NCOA7: variants seen among roughly 807,000 people sequenced by gnomAD.
The protein encoded by NCOA7 is 140 kDa estrogen receptor-associated protein.
Under a neutral mutation model 104.3 loss-of-function variants are expected in NCOA7, and 45 were observed. The ratio of observed to expected loss-of-function variants is 0.43; its 90% CI spans 0.34 to 0.55. The LOEUF (loss-of-function observed/expected upper bound fraction) is 0.55. Ranked by LOEUF, NCOA7 falls within the 20% of genes least tolerant of loss-of-function variation. The pLI is 0.02. For synonymous variants in NCOA7, 398 were observed against 402.3 expected (o/e 0.99, Z 0.13); for missense variants, 1,041 against 1,119.7 (o/e 0.93, Z 1.00).
intron 1 of NCOA7, among the ~76,000 whole-genome samples, chr6:125,799,006 A>G (rs563464707): frequency 1.6e-4 from 25 of 152,198 alleles, no homozygotes; most frequent in African/African-American, 6.0e-4. Flanking sequence ...ATCAGCCCCA[A>G]GCCTGTTTCT....
intron 2 of NCOA7, among the ~76,000 whole-genome samples, chr6:125,853,333 A>G (rs1397802808): frequency 6.6e-6 from 1 of 152,108 alleles, no homozygotes. Context: ...TAGGTATTTG[A>G]TTGTATAATT....
chr6:125,841,888 C>T (rs1014166151), intron 2 of NCOA7, among the ~76,000 whole-genome samples: 4 of 152,048 alleles, frequency 2.6e-5, no homozygotes. Context: ...AATTTCATAC[C>T]TGATATTAGA....
Position 125,887,897 on chromosome 6 carries a change from C to T in NCOA7, c.885-1042C>T, listed in dbSNP as rs553078743. Among the ~76,000 whole-genome samples the T allele has an allele frequency of 9.2e-5, 14 of 152,228 alleles. No individual in the cohort carries two copies. The East Asian group carries it at 2.7e-3, about 29-fold the overall frequency. On this transcript the variant is annotated intron_variant, in intron 8 of 15. Coordinates refer to ENST00000392477, the MANE Select transcript of NCOA7 (RefSeq NM_181782.5). ...TTTCCAGTCATATTTTTTTCTTACA[C>T]ATATTTGAAAGTATTACTATTTTTA...
intron 3 of NCOA7, among the ~76,000 whole-genome samples, chr6:125,867,297 T>C (rs1327852770): frequency 6.6e-6 from 1 of 152,254 alleles, no homozygotes; most frequent in Non-Finnish European, 1.5e-5. Context: ...TTTCATTTCT[T>C]CTCAGTATTT....
intron 2 of NCOA7, 115 bp downstream of exon 2, chr6:125,815,519 G>C: frequency 1.3e-6 from 1 of 775,588 alleles, no homozygotes; most frequent in Non-Finnish European, 2.1e-6. Flanking sequence ...AAATAGAGCA[G>C]GTAACCAGGA....
At chr6:125,894,825 G>A (rs978802188) in intron 10 of NCOA7, among the ~76,000 whole-genome samples, 3 of 151,168 alleles carry the variant, frequency 2.0e-5, no homozygotes, top group Non-Finnish European at 2.9e-5. Context: ...ATTTAAAAAT[G>A]TAGATGATTG....
chr6:125,815,855 AT>A (rs1160830602), intron 2 of NCOA7, among the ~76,000 whole-genome samples: 1 of 152,218 alleles, frequency 6.6e-6, no homozygotes, highest in Non-Finnish European at 1.5e-5. Context: ...GTGAAATTAT[AT>A]TTTTGAATCA....
At chr6:125,901,649 A>G (rs190120006) in intron 10 of NCOA7, among the ~76,000 whole-genome samples, 39 of 152,268 alleles carry the variant, frequency 2.6e-4, no homozygotes, top group African/African-American at 9.4e-4. Flanking sequence ...TAGGTTACAA[A>G]CAGTGCTCTT....
intron 11 of NCOA7, among the ~76,000 whole-genome samples, chr6:125,918,930 A>G (rs920136598): frequency 3.9e-5 from 6 of 152,062 alleles, no homozygotes; most frequent in Non-Finnish European, 7.4e-5. Flanking sequence ...CTTTAGCCTT[A>G]AAGAAGGTGC....
intron 10 of NCOA7, among the ~76,000 whole-genome samples, chr6:125,899,409 G>T (rs1785303741): frequency 6.6e-6 from 1 of 152,102 alleles, no homozygotes; most frequent in Admixed American, 6.5e-5. Flanking sequence ...CCATAATCTT[G>T]AACATTTTTT....
intron 2 of NCOA7, among the ~76,000 whole-genome samples, chr6:125,822,954 CA>C (rs1221738703): frequency 5.1e-5 from 7 of 137,626 alleles, no homozygotes; most frequent in Admixed American, 1.5e-4. Flanking sequence ...AAAAAAACAA[CA>C]AAAAAAAACA....
chr6:125,864,330 TA>T lies in NCOA7; in HGVS notation c.271+9097del, dbSNP rs1348973654. Among the ~76,000 whole-genome samples the T allele has an allele frequency of 2.0e-4, 27 of 138,144 alleles. 5 individuals are homozygous for T. The highest frequency in any genetic ancestry group is 7.8e-4 in the African/African-American group (26 of 33,148). 90.6% of individuals were successfully genotyped at this position (138,144 alleles called of 152,430 possible). A position where few individuals can be genotyped will look rare whatever the true frequency, so the allele number is the denominator to read the frequency against. ...TACTGATTATGATTCCATTTTTGTT[TA>T]AAAAAATAATTCACCTACATGCATA... On this transcript the variant is annotated intron_variant, in intron 3 of 15. Coordinates refer to ENST00000392477, the MANE Select transcript of NCOA7 (RefSeq NM_181782.5).
chr6:125,886,138 G>A (rs1784237080), intron 8 of NCOA7, among the ~76,000 whole-genome samples: 2 of 150,004 alleles, frequency 1.3e-5, no homozygotes, highest in South Asian at 4.2e-4. Flanking sequence ...ACAGTAAAGA[G>A]GGAAACTAGC....
chr6:125,920,865 C>T (rs1428544531), intron 11 of NCOA7, 78 bp from the exon 12 acceptor site: 6 of 1,557,058 alleles, frequency 3.9e-6, no homozygotes, highest in Non-Finnish European at 5.2e-6. Context: ...GCACGGGTGT[C>T]CCTAGAGTGA....
chr6:125,890,307 A>T (rs1030047454), intron 9 of NCOA7, among the ~76,000 whole-genome samples: 1 of 152,188 alleles, frequency 6.6e-6, no homozygotes, highest in Non-Finnish European at 1.5e-5. Flanking sequence ...TCTAAACTGA[A>T]TTGCATTATG....
chr6:125,855,212 T>C lies in NCOA7; in HGVS notation c.243T>C (p.Arg81=). 1 of 1,611,688 alleles carries C rather than the reference T, an allele frequency of 6.2e-7. No homozygotes were observed. Among genetic ancestry groups the C allele is most frequent in the Non-Finnish European group, 8.5e-7 (1 of 1,179,270 alleles). The change falls in exon 3 of 16, where the codon CGT becomes CGC. Residue 81 remains arginine (R), a synonymous_variant. Transcript: ENST00000392477. The stretch of plus-strand genomic sequence containing the variant: ...GTAATCAGTTAAAGGAGATCAGGCG[T>C]ACAGAACTAAAGAGATATTATAGTA... ...RKSNQLKEIR[R]TELKRYYSID... is the part of the protein sequence containing the mutation.
At chr6:125,875,038 C>A in intron 4 of NCOA7, 70 bp downstream of exon 4, 2 of 1,168,972 alleles carry the variant, frequency 1.7e-6, no homozygotes, top group Non-Finnish European at 2.5e-6. Flanking sequence ...TTCCCTGACA[C>A]ATCCTGCCCC....
intron 13 of NCOA7, among the ~76,000 whole-genome samples, chr6:125,923,408 G>T (rs1179389449): frequency 2.0e-5 from 3 of 152,168 alleles, no homozygotes; most frequent in Non-Finnish European, 2.9e-5. Context: ...CTTTCTTGGA[G>T]GAACTAGTGA....
intron 3 of NCOA7, chr6:125,855,507 T>C (rs1717820883): frequency 3.6e-6 from 1 of 278,016 alleles, no homozygotes; most frequent in South Asian, 7.1e-5. Context: ...AGAGTCACTT[T>C]CTCTTTATGA....
Sources: allele counts gnomAD v4.1 joint callset (sites outside exome capture counted in the v4.1 genomes callset), GRCh38; gene constraint gnomAD v4.1.1; transcripts MANE v1.5; gene names NCBI Gene and HGNC (gene_info 2026-07-23, HGNC 2026-07-21).